The following LYZL4 variants were observed in gnomAD, a reference collection of about 807,000 sequenced individuals.
LYZL4 encodes lysozyme-like protein 4.
A neutral mutation model predicts 17.6 loss-of-function variants in LYZL4; 13 were observed. The ratio of observed to expected loss-of-function variants is 0.74; its 90% CI spans 0.48 to 1.18. LYZL4 has a LOEUF of 1.18. LYZL4 is among the 50% of genes most tolerant of loss of function. The pLI is 0.00. For missense variants in LYZL4, 174 were observed against 188.2 expected (o/e 0.92, Z 0.44); for synonymous variants, 64 against 67.7 (o/e 0.95, Z 0.27).
chr3:42,377,045 C>G, the LYZL4 span, among the ~76,000 whole-genome samples: 12 of 152,322 alleles, frequency 7.9e-5, no homozygotes, highest in South Asian at 1.2e-3. Flanking sequence ...GCCATGCTTA[C>G]TACACATCAT....
chr3:42,383,226 A>T, the LYZL4 span, among the ~76,000 whole-genome samples: 2 of 152,094 alleles, frequency 1.3e-5, no homozygotes, highest in Non-Finnish European at 2.9e-5. Context: ...CTACTCCTCA[A>T]CCTTCCTCCC....
chr3:42,373,875 G>A, the LYZL4 span, among the ~76,000 whole-genome samples: 1 of 151,960 alleles, frequency 6.6e-6, no homozygotes, highest in Non-Finnish European at 1.5e-5. Flanking sequence ...TTTGCAGACA[G>A]AAATAAAAAT....
the LYZL4 span, among the ~76,000 whole-genome samples, chr3:42,371,200 T>G: frequency 6.6e-6 from 1 of 152,230 alleles, no homozygotes; most frequent in South Asian, 2.1e-4. Flanking sequence ...TGCCTATCTT[T>G]CTCTAAAGAG....
the LYZL4 span, among the ~76,000 whole-genome samples, chr3:42,364,429 G>A: frequency 7.1e-6 from 1 of 141,534 alleles, no homozygotes; most frequent in Non-Finnish European, 1.5e-5. Flanking sequence ...TGCAACCTCT[G>A]CCTCCTGGGT....
chr3:42,363,157 A>G, the LYZL4 span, among the ~76,000 whole-genome samples: 1 of 152,242 alleles, frequency 6.6e-6, no homozygotes, highest in African/African-American at 2.4e-5. Flanking sequence ...ATGGGAAAAA[A>G]AAGTAGATTA....
the LYZL4 span, among the ~76,000 whole-genome samples, chr3:42,380,814 C>T: frequency 6.6e-6 from 1 of 152,196 alleles, no homozygotes; most frequent in Admixed American, 6.5e-5. Flanking sequence ...AAGTGTGCTT[C>T]CTTGCTCCAC....
At chr3:42,372,616 G>A in the LYZL4 span, among the ~76,000 whole-genome samples, 6 of 152,332 alleles carry the variant, frequency 3.9e-5, no homozygotes, top group Non-Finnish European at 8.8e-5. Context: ...GTCCCCCCCA[G>A]CAAAGGGTGA....
the LYZL4 span, among the ~76,000 whole-genome samples, chr3:42,388,842 T>C: frequency 6.6e-6 from 1 of 152,176 alleles, no homozygotes; most frequent in East Asian, 1.9e-4. Context: ...TAAAAACATT[T>C]TGTGATGACA....
the LYZL4 span, among the ~76,000 whole-genome samples, chr3:42,380,270 C>A: frequency 1.3e-5 from 2 of 152,264 alleles, no homozygotes; most frequent in East Asian, 3.9e-4. Flanking sequence ...TGTTTACTGC[C>A]CTGTTTTATA....
chr3:42,395,713 G>C (rs1407728623), downstream of LYZL4, among the ~76,000 whole-genome samples: 1 of 152,032 alleles, frequency 6.6e-6, no homozygotes, highest in Non-Finnish European at 1.5e-5. Flanking sequence ...AAATAAAAAG[G>C]GGCAGCCCCA....
the LYZL4 span, among the ~76,000 whole-genome samples, chr3:42,364,406 G>A: frequency 1.4e-5 from 2 of 141,350 alleles, no homozygotes; most frequent in African/African-American, 2.7e-5. Flanking sequence ...GCAGTGGCAC[G>A]ATCTTGGCTC....
chr3:42,367,548 C>A, the LYZL4 span, among the ~76,000 whole-genome samples: 2 of 152,156 alleles, frequency 1.3e-5, no homozygotes, highest in South Asian at 4.1e-4. Context: ...GGGCCAGGCA[C>A]AGGAGGGTCA....
chr3:42,390,625 G>C, the LYZL4 span, among the ~76,000 whole-genome samples: 198 of 152,088 alleles, frequency 1.3e-3, no homozygotes, highest in Non-Finnish European at 1.5e-3. Flanking sequence ...ACTGAAAGGG[G>C]AGCAGTTATT....
Position 42,397,153 on chromosome 3 carries a change from TG to T in LYZL4, c.*111del. ...AAGCAAACTTTTGTCTTTTTCCATC[TG>T]GAACTCTTAAAGTGGTGAGATCATC... On this transcript the variant is annotated 3_prime_UTR_variant, in exon 5 of 5. Transcript: ENST00000287748. The T allele has an allele frequency of 2.6e-6, 2 of 769,464 alleles. No homozygotes were observed. Among genetic ancestry groups the T allele is most frequent in the Non-Finnish European group, 4.2e-6 (2 of 476,450 alleles). The allele number at this position is 769,464 out of a possible 1,614,324, so 47.7% of individuals were successfully genotyped here.
chr3:42,395,773 AAAGATCTAACATGGCC>A (rs1698541886), downstream of LYZL4, among the ~76,000 whole-genome samples: 1 of 152,256 alleles, frequency 6.6e-6, no homozygotes, highest in Non-Finnish European at 1.5e-5. Context: ...GGCAATACCT[AAAGATCTAACATGGCC>A]AAGATCGGTG....
At chr3:42,404,446 C>T (rs938751584) in intron 3 of LYZL4, among the ~76,000 whole-genome samples, 2 of 152,256 alleles carry the variant, frequency 1.3e-5, no homozygotes, top group African/African-American at 4.8e-5. Context: ...ATCCTTGTTC[C>T]CCTTTTAGCC....
chr3:42,392,872 T>A (rs1253717031), downstream of LYZL4, among the ~76,000 whole-genome samples: 1 of 152,164 alleles, frequency 6.6e-6, no homozygotes, highest in Non-Finnish European at 1.5e-5. Flanking sequence ...GTGGAGTTAC[T>A]AGTAATGGCA....
intron 3 of LYZL4, among the ~76,000 whole-genome samples, chr3:42,405,565 T>C (rs923201680): frequency 6.6e-5 from 10 of 152,188 alleles, no homozygotes; most frequent in African/African-American, 1.9e-4. Flanking sequence ...CTCTCCACTC[T>C]GTCTCCTAAA....
At chr3:42,392,798 T>C (rs1698502184), downstream of LYZL4, among the ~76,000 whole-genome samples, 1 of 152,046 alleles carries the variant, frequency 6.6e-6, no homozygotes, top group Non-Finnish European at 1.5e-5. Context: ...GCTTGAGGGA[T>C]GCAATGGAAA....
Sources: allele counts gnomAD v4.1 joint callset (sites outside exome capture counted in the v4.1 genomes callset), GRCh38; gene constraint gnomAD v4.1.1; transcripts MANE v1.5; gene names NCBI Gene and HGNC (gene_info 2026-07-23, HGNC 2026-07-21).